DENND1A: variants seen among roughly 807,000 people sequenced by gnomAD.
DENND1A encodes the protein DENN domain containing 1A.
In DENND1A, 51 loss-of-function variants were observed where a neutral mutation model predicts 113.7. The observed-to-expected ratio is 0.45, with a 90% CI of 0.36 to 0.57. The LOEUF is 0.57. DENND1A is among the 20% of genes least tolerant of loss of function. The probability of loss-of-function intolerance (pLI) is 0.00; values close to 1 mark genes in which losing one functional copy is unlikely to be tolerated. For missense variants in DENND1A, 1,258 were observed against 1,395.9 expected (o/e 0.90, Z 1.57); for synonymous variants, 565 against 570.8 (o/e 0.99, Z 0.14).
At chr9:123,824,168 T>C (rs972659793) in intron 2 of DENND1A, among the ~76,000 whole-genome samples, 2 of 152,244 alleles carry the variant, frequency 1.3e-5, no homozygotes, top group Non-Finnish European at 1.5e-5. Context: ...ACAGTAACCC[T>C]ACAGAAGAAA....
intron 5 of DENND1A, among the ~76,000 whole-genome samples, chr9:123,756,603 T>C (rs1002304589): frequency 5.9e-5 from 9 of 152,102 alleles, no homozygotes; most frequent in Non-Finnish European, 1.2e-4. Context: ...TCGACTTCAC[T>C]GATTAAAAGC....
chr9:123,810,557 A>T (rs1836391174), intron 2 of DENND1A, among the ~76,000 whole-genome samples: 1 of 151,064 alleles, frequency 6.6e-6, no homozygotes, highest in Non-Finnish European at 1.5e-5. Context: ...TACAAAAAAA[A>T]AAAAAAAAAA....
At chr9:123,444,461 C>T (rs2047154568) in intron 18 of DENND1A, among the ~76,000 whole-genome samples, 1 of 152,140 alleles carries the variant, frequency 6.6e-6, no homozygotes, top group Non-Finnish European at 1.5e-5. Context: ...TGAGACCAGC[C>T]TGGCCAACGT....
At chr9:123,928,662 T>C (rs1857514160) in intron 1 of DENND1A, 1 of 985,338 alleles carries the variant, frequency 1.0e-6, no homozygotes, top group African/African-American at 1.7e-5. Flanking sequence ...CTCATACATA[T>C]TTTGTAAATG....
At chr9:123,625,174 C>T (rs917136782) in intron 10 of DENND1A, among the ~76,000 whole-genome samples, 1 of 152,094 alleles carries the variant, frequency 6.6e-6, no homozygotes, top group Admixed American at 6.6e-5. Flanking sequence ...GAGTATAATA[C>T]ATAACGTCTG....
chr9:123,434,723 G>A (rs979556576), intron 19 of DENND1A, among the ~76,000 whole-genome samples: 2 of 152,184 alleles, frequency 1.3e-5, no homozygotes, highest in South Asian at 4.1e-4. Context: ...CCTGCTCTGG[G>A]ATTGGACAGG....
chr9:123,907,747 A>G (rs1853147045), intron 1 of DENND1A, among the ~76,000 whole-genome samples: 1 of 141,130 alleles, frequency 7.1e-6, no homozygotes, highest in South Asian at 2.3e-4. Context: ...GGAAGAATCA[A>G]TATCGTGAAA....
intron 21 of DENND1A, among the ~76,000 whole-genome samples, chr9:123,392,689 G>C (rs1350584111): frequency 6.6e-6 from 1 of 152,156 alleles, no homozygotes; most frequent in Non-Finnish European, 1.5e-5. Flanking sequence ...TAGGTTTTTG[G>C]GGAACAGGTG....
At chr9:123,499,365 C>T (rs1229602771) in intron 13 of DENND1A, among the ~76,000 whole-genome samples, 1 of 152,218 alleles carries the variant, frequency 6.6e-6, no homozygotes, top group African/African-American at 2.4e-5. Flanking sequence ...ACTTGATTTC[C>T]TCATCTGAAT....
intron 1 of DENND1A, among the ~76,000 whole-genome samples, chr9:123,917,914 T>G (rs1253999806): frequency 1.3e-5 from 2 of 150,902 alleles, no homozygotes; most frequent in East Asian, 3.9e-4. Flanking sequence ...ATCGAGACCA[T>G]CCTGGCTAAC....
At chr9:123,702,829 A>G (rs1160067431) in intron 5 of DENND1A, among the ~76,000 whole-genome samples, 1 of 152,220 alleles carries the variant, frequency 6.6e-6, no homozygotes, top group Non-Finnish European at 1.5e-5. Flanking sequence ...TTAAGCTGAA[A>G]GAAAAGGATG....
At chr9:123,778,676 A>C (rs1830804571) in intron 3 of DENND1A, among the ~76,000 whole-genome samples, 1 of 152,076 alleles carries the variant, frequency 6.6e-6, no homozygotes, top group Non-Finnish European at 1.5e-5. Context: ...AAGGGTAAAA[A>C]ACCTTCTTAC....
intron 5 of DENND1A, among the ~76,000 whole-genome samples, chr9:123,750,354 T>G (rs1489169456): frequency 6.6e-6 from 1 of 152,242 alleles, no homozygotes; most frequent in African/African-American, 2.4e-5. Flanking sequence ...ACCACTTCAT[T>G]TTTTAATTCA....
chr9:123,382,726 T>C, intron 23 of DENND1A, 101 bp from the exon 24 acceptor site: 1 of 1,267,106 alleles, frequency 7.9e-7, no homozygotes. Flanking sequence ...GTGCTGGGCC[T>C]AGTTGTGTGG....
At chr9:123,724,491 A>G (rs1265324717) in intron 5 of DENND1A, among the ~76,000 whole-genome samples, 4 of 150,378 alleles carry the variant, frequency 2.7e-5, no homozygotes, top group African/African-American at 7.5e-5. Flanking sequence ...AGAGAGAAAT[A>G]AAAGACAGGA....
intron 10 of DENND1A, among the ~76,000 whole-genome samples, chr9:123,617,456 G>A (rs1410806130): frequency 6.6e-6 from 1 of 152,200 alleles, no homozygotes; most frequent in Non-Finnish European, 1.5e-5. Context: ...TTCTGAGTGT[G>A]GCTTTGTGGC....
At chr9:123,571,626 C>T (rs759940536) in intron 12 of DENND1A, among the ~76,000 whole-genome samples, 2 of 152,166 alleles carry the variant, frequency 1.3e-5, no homozygotes, top group South Asian at 2.1e-4. Context: ...GTGTATCAAA[C>T]GTTTGTTACT....
intron 10 of DENND1A, among the ~76,000 whole-genome samples, chr9:123,616,375 C>T (rs529117144): frequency 3.3e-5 from 5 of 152,046 alleles, no homozygotes; most frequent in Admixed American, 2.0e-4. Context: ...ATGCTACTGT[C>T]GACAAAAAAT....
intron 9 of DENND1A, among the ~76,000 whole-genome samples, chr9:123,633,740 C>G (rs1309192459): frequency 6.6e-6 from 1 of 152,190 alleles, no homozygotes; most frequent in Non-Finnish European, 1.5e-5. Context: ...CACACCACTA[C>G]ACTCCAGCCT....
Sources: gnomAD v4.1 joint callset for allele counts (sites outside exome capture counted in the v4.1 genomes callset) on GRCh38, gnomAD v4.1.1 for gene constraint, MANE v1.5 for transcripts, NCBI Gene and HGNC (gene_info 2026-07-23, HGNC 2026-07-21) for gene names.